The following MTAP variants were observed in gnomAD, a reference collection of about 807,000 sequenced individuals.
The protein encoded by MTAP is S-methyl-5'-thioadenosine phosphorylase.
In MTAP, 33 loss-of-function variants were observed where a neutral mutation model predicts 33.6. The ratio of observed to expected loss-of-function variants is 0.98; its 90% CI spans 0.74 to 1.31. MTAP has a LOEUF of 1.31. MTAP is among the 40% of genes most tolerant of loss of function. The pLI is 0.00. For synonymous variants in MTAP, 148 were observed against 125.7 expected, an observed-to-expected ratio of 1.18 and a Z score of -1.19; for missense variants, 367 against 360.0, an observed-to-expected ratio of 1.02 and a Z score of -0.16.
In MTAP at chr9:21,854,826, G is replaced by T; in HGVS notation, c.646G>T (p.Ala216Ser). ...KEAGICYASI[A>S]MATDYDCWKE... ...GGCTGGAATTTGTTACGCAAGTATC[G>T]CCATGGCGACAGATTATGACTGCTG... The change falls in exon 6 of 8, where the codon GCC (alanine) becomes TCC (serine). Residue 216 changes from alanine (A) to serine (S), a missense_variant. Coordinates refer to ENST00000644715, the MANE Select transcript of MTAP (RefSeq NM_002451.4). The T allele has an allele frequency of 1.9e-6, 3 of 1,614,076 alleles. No individual in the cohort carries two copies. Among genetic ancestry groups the T allele is most frequent in the Non-Finnish European group, 2.5e-6 (3 of 1,179,972 alleles).
intron 1 of MTAP, among the ~76,000 whole-genome samples, chr9:21,810,894 C>T (rs1824329168): frequency 6.6e-6 from 1 of 152,190 alleles, no homozygotes; most frequent in African/African-American, 2.4e-5. Context: ...AGGTTTTTAA[C>T]AGTCCTCACA....
chr9:21,808,542 T>A (rs1824265166), intron 1 of MTAP, among the ~76,000 whole-genome samples: 1 of 151,038 alleles, frequency 6.6e-6, no homozygotes, highest in Non-Finnish European at 1.5e-5. Flanking sequence ...TGAGCTGAGA[T>A]TTCACCACTG....
At chr9:21,816,833 T>C in intron 3 of MTAP, 61 bp downstream of exon 3, 1 of 1,431,384 alleles carries the variant, frequency 7.0e-7, no homozygotes, top group Non-Finnish European at 9.7e-7. Context: ...TTAACTTAAA[T>C]TCTGGAAAGA....
chr9:21,815,968 G>A (rs1208354004), intron 2 of MTAP, among the ~76,000 whole-genome samples: 1 of 152,174 alleles, frequency 6.6e-6, no homozygotes, highest in Admixed American at 6.5e-5. Flanking sequence ...GAACATACCT[G>A]ATGTTAGTTG....
intron 4 of MTAP, among the ~76,000 whole-genome samples, chr9:21,825,166 C>G (rs1252271297): frequency 6.6e-6 from 1 of 152,178 alleles, no homozygotes; most frequent in Non-Finnish European, 1.5e-5. Flanking sequence ...GTTGGAAATA[C>G]AGAAATCACC....
intron 4 of MTAP, among the ~76,000 whole-genome samples, chr9:21,825,122 C>T (rs908270650): frequency 6.6e-6 from 1 of 152,106 alleles, no homozygotes; most frequent in Non-Finnish European, 1.5e-5. Flanking sequence ...ACCCACTGTC[C>T]GACAAGCCCC....
In MTAP at chr9:21,865,457, T is replaced by G. The variant is rs1825838363; in HGVS notation, c.*3443T>G. 1.0e-6 allele frequency: 1 copy of G among 985,354 alleles called. No individual in the cohort carries two copies. Among genetic ancestry groups the G allele is most frequent in the South Asian group, 4.7e-5 (1 of 21,296 alleles). 61.0% of individuals were successfully genotyped at this position (985,354 alleles called of 1,614,324 possible). ...GGACTAATACACTCCTCAAATGTTT[T>G]GAAGATTGTTGCACCTTGGAACTAC... On this transcript the variant is annotated 3_prime_UTR_variant, in exon 8 of 8. Transcript: ENST00000644715.
chr9:21,925,485 A>C (rs941318730), intron 1 of MTAP, among the ~76,000 whole-genome samples: 4 of 152,358 alleles, frequency 2.6e-5, no homozygotes, highest in South Asian at 2.1e-4. Context: ...TAAAAGGAAA[A>C]GCAGCAGCTC....
intron 5 of MTAP, among the ~76,000 whole-genome samples, chr9:21,851,503 T>C (rs1017638109): frequency 1.3e-5 from 2 of 152,242 alleles, no homozygotes; most frequent in African/African-American, 4.8e-5. Context: ...GTTTGGTGCA[T>C]TTCCAGTTGC....
In MTAP at chr9:21,802,857, T is replaced by G. The variant is rs753215496; in HGVS notation, c.33+76T>G. ...CGCCCCCGCGCCGGGGGACCGCGCC[T>G]CCGGGGGCCATGCGCCCGGCCCGTG... On this transcript the variant is annotated intron_variant, in intron 1 of 7. Transcript: ENST00000644715. 2.5e-6 allele frequency: 4 copies of G among 1,583,146 alleles called. No individual in the cohort carries two copies. The Admixed American group carries it at 5.3e-5, about 21-fold the overall frequency.
chr9:21,820,528 G>A (rs1467795408), intron 4 of MTAP, among the ~76,000 whole-genome samples: 1 of 152,174 alleles, frequency 6.6e-6, no homozygotes, highest in African/African-American at 2.4e-5. Context: ...GTACCACGCT[G>A]TTTTGGTGAC....
intron 1 of MTAP, among the ~76,000 whole-genome samples, chr9:21,885,779 G>GGTGTGTGTGTGT (rs34691018): frequency 6.6e-4 from 96 of 144,440 alleles, no homozygotes; most frequent in Non-Finnish European, 1.0e-3. Context: ...AGTATTACAT[G>GGTGTGTGTGTGT]GTGTGTGTGT....
At chr9:21,839,426 A>T (rs1004064955) in intron 5 of MTAP, among the ~76,000 whole-genome samples, 9 of 152,198 alleles carry the variant, frequency 5.9e-5, no homozygotes, top group African/African-American at 2.2e-4. Context: ...ATCTGAGGTC[A>T]GTTCTCAGGC....
chr9:21,825,467 T>A (rs1302972286), intron 4 of MTAP, among the ~76,000 whole-genome samples: 1 of 152,246 alleles, frequency 6.6e-6, no homozygotes, highest in African/African-American at 2.4e-5. Context: ...TATTAATTTA[T>A]ATTCCTACCA....
intron 1 of MTAP, among the ~76,000 whole-genome samples, chr9:21,927,656 C>T: frequency 6.6e-6 from 1 of 152,150 alleles, no homozygotes; most frequent in East Asian, 1.9e-4. Flanking sequence ...GATAGATATG[C>T]AGGGTATGCT....
At chr9:21,893,598 AC>A (rs1818235423) in intron 1 of MTAP, 1 of 152,078 alleles carries the variant, frequency 6.6e-6, no homozygotes, top group Non-Finnish European at 1.5e-5. Context: ...AATATAAAAA[AC>A]CCTCAAAGAC....
chr9:21,894,224 A>C (rs1217479275), intron 1 of MTAP, among the ~76,000 whole-genome samples: 1 of 151,590 alleles, frequency 6.6e-6, no homozygotes, highest in African/African-American at 2.4e-5. Context: ...AAAAAAAAAA[A>C]AAAAAACTAG....
intron 1 of MTAP, among the ~76,000 whole-genome samples, chr9:21,914,996 T>TTCCTTCCTTCC (rs1225772665): frequency 2.5e-5 from 3 of 119,966 alleles, no homozygotes; most frequent in African/African-American, 8.1e-5. Flanking sequence ...AATACTTTGT[T>TTCCTTCCTTCC]TTCTTTCCTT....
At chr9:21,919,613 G>A (rs541930864) in intron 1 of MTAP, among the ~76,000 whole-genome samples, 26 of 152,326 alleles carry the variant, frequency 1.7e-4, no homozygotes, top group Admixed American at 1.2e-3. Context: ...GCAAAGGAAT[G>A]ATTACTATCC....
Sources: allele counts gnomAD v4.1 joint callset (sites outside exome capture counted in the v4.1 genomes callset), GRCh38; gene constraint gnomAD v4.1.1; transcripts MANE v1.5; gene names NCBI Gene and HGNC (gene_info 2026-07-23, HGNC 2026-07-21).